PCSK5: variants seen among roughly 807,000 people sequenced by gnomAD.
PCSK5 encodes the protein prohormone convertase 5.
A neutral mutation model predicts 233.2 loss-of-function variants in PCSK5; 129 were observed. That is an observed-to-expected ratio of 0.55 (90% CI 0.48 to 0.64). The LOEUF (loss-of-function observed/expected upper bound fraction) is 0.64, where lower values mean the gene tolerates loss of function less well. Ranked by LOEUF, PCSK5 falls within the 30% of genes least tolerant of loss-of-function variation. The probability of loss-of-function intolerance (pLI) is 0.00; values close to 1 mark genes in which losing one functional copy is unlikely to be tolerated. For synonymous variants in PCSK5, 825 were observed against 879.2 expected (o/e 0.94, Z 1.09); for missense variants, 2,076 against 2,430.1 (o/e 0.85, Z 3.06).
intron 2 of PCSK5, among the ~76,000 whole-genome samples, chr9:75,946,721 T>C (rs538814283): frequency 6.6e-6 from 1 of 152,256 alleles, no homozygotes; most frequent in Admixed American, 6.5e-5. Context: ...CCCAAGTAGC[T>C]GGGATTACAG....
chr9:76,131,327 C>T (rs1822754762), intron 9 of PCSK5, among the ~76,000 whole-genome samples: 2 of 152,126 alleles, frequency 1.3e-5, no homozygotes, highest in African/African-American at 4.8e-5. Flanking sequence ...TAATTATCTT[C>T]CCACAGATAG....
intron 20 of PCSK5, among the ~76,000 whole-genome samples, chr9:76,225,588 G>A (rs1050239331): frequency 3.2e-4 from 49 of 152,260 alleles, no homozygotes; most frequent in African/African-American, 1.1e-3. Flanking sequence ...CTGCTCAATT[G>A]ATTGTGCCTC....
chr9:76,144,351 T>G (rs540311342), intron 10 of PCSK5, among the ~76,000 whole-genome samples: 28 of 152,328 alleles, frequency 1.8e-4, no homozygotes, highest in Non-Finnish European at 4.0e-4. Flanking sequence ...GGTTCCAAAG[T>G]GCAATTCTAT....
intron 3 of PCSK5, among the ~76,000 whole-genome samples, chr9:76,009,143 C>T (rs904102587): frequency 3.3e-5 from 5 of 152,074 alleles, no homozygotes; most frequent in African/African-American, 4.8e-5. Context: ...GAGCAAAAAG[C>T]ATGCGCAAAA....
At chr9:76,161,122 T>C (rs902719287) in intron 12 of PCSK5, among the ~76,000 whole-genome samples, 3 of 152,236 alleles carry the variant, frequency 2.0e-5, no homozygotes, top group Non-Finnish European at 4.4e-5. Flanking sequence ...TTAGACTTGC[T>C]GTGTTCTTTC....
At chr9:76,194,185 G>A (rs1183237668) in intron 20 of PCSK5, 1 of 152,314 alleles carries the variant, frequency 6.6e-6, no homozygotes, top group African/African-American at 2.4e-5. Context: ...GAAATTCAGA[G>A]TGTTAACTTT....
chr9:76,311,739 G>T (rs911018863), intron 30 of PCSK5, among the ~76,000 whole-genome samples: 2 of 152,144 alleles, frequency 1.3e-5, no homozygotes, highest in African/African-American at 4.8e-5. Context: ...GTCCAGTATT[G>T]GTCACTTCAG....
chr9:76,198,344 T>G (rs576174253), intron 20 of PCSK5, among the ~76,000 whole-genome samples: 2 of 152,276 alleles, frequency 1.3e-5, no homozygotes, highest in Admixed American at 1.3e-4. Flanking sequence ...AGTTGTAAGA[T>G]CTTTTACTTT....
intron 5 of PCSK5, among the ~76,000 whole-genome samples, chr9:76,038,295 GTAT>G (rs767886957): frequency 4.6e-5 from 7 of 152,094 alleles, no homozygotes; most frequent in Non-Finnish European, 1.0e-4. Context: ...ATAGGCTCTA[GTAT>G]TATGTTGTTA....
chr9:76,207,583 A>C (rs1825170823), intron 20 of PCSK5, among the ~76,000 whole-genome samples: 1 of 152,250 alleles, frequency 6.6e-6, no homozygotes, highest in Non-Finnish European at 1.5e-5. Flanking sequence ...ATATAATAGA[A>C]TACATTTCCT....
At chr9:76,268,130 T>G (rs1827396105) in intron 24 of PCSK5, among the ~76,000 whole-genome samples, 1 of 152,232 alleles carries the variant, frequency 6.6e-6, no homozygotes, top group Non-Finnish European at 1.5e-5. Flanking sequence ...CACTAGCTTC[T>G]CTAGACAAAT....
At chr9:76,193,168 C>T in intron 20 of PCSK5, 1 of 1,392,544 alleles carries the variant, frequency 7.2e-7, no homozygotes, top group Non-Finnish European at 1.0e-6. Context: ...TCACAACCTT[C>T]TTCCATGTGT....
At chr9:76,139,445 G>A (rs1246202178) in intron 10 of PCSK5, among the ~76,000 whole-genome samples, 1 of 152,046 alleles carries the variant, frequency 6.6e-6, no homozygotes, top group Non-Finnish European at 1.5e-5. Flanking sequence ...GTACATTGTG[G>A]TTTTAAAGAA....
At chr9:76,347,776 AAAAG>A (rs1224095717) in intron 35 of PCSK5, among the ~76,000 whole-genome samples, 2 of 117,908 alleles carry the variant, frequency 1.7e-5, no homozygotes, top group Non-Finnish European at 3.6e-5. Flanking sequence ...AAAAAAAAAA[AAAAG>A]AAAGAAAATG....
intron 24 of PCSK5, among the ~76,000 whole-genome samples, chr9:76,246,151 G>A (rs532559209): frequency 6.6e-6 from 1 of 151,720 alleles, no homozygotes; most frequent in African/African-American, 2.4e-5. Flanking sequence ...GACCATCCTG[G>A]ACAACATGGT....
At chr9:75,964,619 G>A (rs1587428209) in intron 2 of PCSK5, among the ~76,000 whole-genome samples, 1 of 152,312 alleles carries the variant, frequency 6.6e-6, no homozygotes, top group East Asian at 1.9e-4. Context: ...GATACTTGAT[G>A]GTTACTAGGT....
intron 20 of PCSK5, among the ~76,000 whole-genome samples, chr9:76,208,166 T>C (rs75025578): frequency 6.6e-6 from 1 of 152,274 alleles, no homozygotes; most frequent in African/African-American, 2.4e-5. Context: ...TCTCTCCTCT[T>C]GATACTGTCA....
At chr9:76,123,050 G>T (rs1449472174) in intron 9 of PCSK5, among the ~76,000 whole-genome samples, 4 of 151,672 alleles carry the variant, frequency 2.6e-5, no homozygotes, top group Non-Finnish European at 5.9e-5. Flanking sequence ...CATCATGTTG[G>T]CCAGGCTGGT....
intron 2 of PCSK5, among the ~76,000 whole-genome samples, chr9:75,952,470 T>C (rs1824904686): frequency 6.6e-6 from 1 of 152,216 alleles, no homozygotes; most frequent in Admixed American, 6.5e-5. Flanking sequence ...CAGGTTTAAT[T>C]TATATATGGT....
Sources: gnomAD v4.1 joint callset for allele counts (sites outside exome capture counted in the v4.1 genomes callset) on GRCh38, gnomAD v4.1.1 for gene constraint, MANE v1.5 for transcripts, NCBI Gene and HGNC (gene_info 2026-07-23, HGNC 2026-07-21) for gene names.